HEXB: variants seen among roughly 807,000 people sequenced by gnomAD.
The protein encoded by HEXB is hexosaminidase subunit beta.
Under a neutral mutation model 71.2 loss-of-function variants are expected in HEXB, and 51 were observed. That is an observed-to-expected ratio of 0.72 (90% CI 0.57 to 0.90). HEXB has a LOEUF of 0.90. HEXB is among the 40% of genes least tolerant of loss of function. The probability of loss-of-function intolerance (pLI) is 0.00; values close to 1 mark genes in which losing one functional copy is unlikely to be tolerated. For missense variants in HEXB, 617 were observed against 677.0 expected (o/e 0.91, Z 0.98); for synonymous variants, 266 against 249.3 (o/e 1.07, Z -0.63).
chr5:74,664,955 A>G (rs1441224643), intron 1 of HEXB, among the ~76,000 whole-genome samples: 1 of 152,302 alleles, frequency 6.6e-6, no homozygotes, highest in South Asian at 2.1e-4. Flanking sequence ...GGAGAAGCGC[A>G]TTTGGGACAG....
chr5:74,676,515 C>A (rs1279953782), intron 1 of HEXB, among the ~76,000 whole-genome samples: 1 of 152,166 alleles, frequency 6.6e-6, no homozygotes, highest in Non-Finnish European at 1.5e-5. Context: ...CTCCTGTAAT[C>A]CCAGCACTTT....
At chr5:74,654,068 G>C (rs1488143519) in intron 1 of HEXB, among the ~76,000 whole-genome samples, 3 of 152,128 alleles carry the variant, frequency 2.0e-5, no homozygotes, top group Non-Finnish European at 4.4e-5. Context: ...TCCTGGTGAA[G>C]CTGCCCTCAC....
intron 1 of HEXB, among the ~76,000 whole-genome samples, chr5:74,645,170 A>AT (rs11405742): frequency 0.63 from 95,312 of 151,832 alleles, 30,229 homozygotes; most frequent in Middle Eastern, 0.78. Context: ...CCTTATGTGT[A>AT]TTTTGTGAAT....
chr5:74,688,287 C>T (rs1748917583), intron 1 of HEXB, among the ~76,000 whole-genome samples: 1 of 150,308 alleles, frequency 6.7e-6, no homozygotes, highest in East Asian at 1.9e-4. Context: ...AATGCCTTTA[C>T]AGAATTTTTA....
At chr5:74,718,164 T>C in intron 9 of HEXB, 127 bp from the exon 10 acceptor site, 1 of 713,466 alleles carries the variant, frequency 1.4e-6, no homozygotes, top group Non-Finnish European at 2.5e-6. Flanking sequence ...CTGCTTCTGC[T>C]ATAAAGCTGA....
At chr5:74,656,225 C>T (rs1748214931) in intron 1 of HEXB, among the ~76,000 whole-genome samples, 1 of 152,064 alleles carries the variant, frequency 6.6e-6, no homozygotes, top group African/African-American at 2.4e-5. Context: ...GGAGGCCTAG[C>T]CGGGTGGATC....
chr5:74,656,480 A>AAAAATAAAATAAAATAAAAT (rs369978790), intron 1 of HEXB, among the ~76,000 whole-genome samples: 92 of 145,806 alleles, frequency 6.3e-4, no homozygotes, highest in East Asian at 5.5e-3. Context: ...CTCTGTCTCA[A>AAAAATAAAATAAAATAAAAT]AAAATAAAAT....
chr5:74,640,623 G>T (rs889511356), intron 1 of HEXB: 1 of 152,480 alleles, frequency 6.6e-6, no homozygotes, highest in African/African-American at 2.4e-5. Flanking sequence ...GCTCGGGGGA[G>T]GGAGCTAGAA....
At chr5:74,674,649 C>A (rs1026281108) in intron 1 of HEXB, among the ~76,000 whole-genome samples, 5 of 151,008 alleles carry the variant, frequency 3.3e-5, no homozygotes, top group African/African-American at 9.7e-5. Flanking sequence ...GTTTTTATCT[C>A]AGATGCCATT....
rs1470552099 is a variant in HEXB, at chr5:74,689,472, T to G, written c.444T>G (p.Ser148=). ...TCCCCAACATATCTTCAGATGAGTC[T>G]TGTAAGTACCTATGCAATGTGAGTG... is the stretch of plus-strand genomic sequence containing the variant. ...DAFPNISSDE[S]YTLLVKEPVA... is the part of the protein sequence containing the mutation. Residue 148 remains serine (S), a splice_region_variant and synonymous_variant, in exon 2 of 14, where the codon TCT becomes TCG. Coordinates refer to ENST00000261416, the MANE Select transcript of HEXB (RefSeq NM_000521.4). The G allele has an allele frequency of 6.2e-7, 1 of 1,613,066 alleles. No homozygotes were observed. The highest frequency in any genetic ancestry group is 2.2e-5 in the East Asian group (1 of 44,872).
chr5:74,680,664 G>A (rs2112115157), upstream of HEXB, among the ~76,000 whole-genome samples: 1 of 152,302 alleles, frequency 6.6e-6, no homozygotes, highest in South Asian at 2.1e-4. Flanking sequence ...CCCTCCCCTT[G>A]AATGTGGGAA....
chr5:74,655,722 A>G (rs569961909), intron 1 of HEXB, among the ~76,000 whole-genome samples: 113 of 152,336 alleles, frequency 7.4e-4, no homozygotes, highest in African/African-American at 2.6e-3. Flanking sequence ...ATTAAAAGAA[A>G]TCAGTTAAAA....
chr5:74,652,512 T>C lies in HEXB; in HGVS notation c.-377+11954T>C, dbSNP rs981951064. Among the ~76,000 whole-genome samples, 3 of 152,234 alleles carry C rather than the reference T, an allele frequency of 2.0e-5. No individual in the cohort carries two copies. Among genetic ancestry groups the C allele is most frequent in the African/African-American group, 2.4e-5 (1 of 41,466 alleles). ...AAATTTTTTACATTCAAAAGAGTCC[T>C]CATAGTTGGGTATAGTTAGGACAAA... is the stretch of plus-strand genomic sequence containing the variant. On this transcript the variant is annotated intron_variant, in intron 1 of 13. Transcript: ENST00000511181. This position sits in a 1 kb window ranked among gnomAD's most constrained non-coding sequence, Gnocchi z 5.4.
chr5:74,675,829 A>G lies in HEXB; in HGVS notation c.-376-13499A>G, dbSNP rs527379644. ...GGGTGAGGTGGTGGTATAAGCAGCA[A>G]GTGGAAAGATCTCTCCAGGCCAACA... On this transcript the variant is annotated intron_variant, in intron 1 of 13. Transcript: ENST00000511181. Among the ~76,000 whole-genome samples the G allele has an allele frequency of 2.5e-4, 38 of 152,328 alleles. No individual in the cohort carries two copies. In the South Asian group the frequency reaches 6.4e-3, roughly 26 times the overall value.
At chr5:74,670,675 C>G (rs1185743671) in intron 1 of HEXB, among the ~76,000 whole-genome samples, 1 of 152,204 alleles carries the variant, frequency 6.6e-6, no homozygotes, top group Non-Finnish European at 1.5e-5. Context: ...ACTAAAAGAG[C>G]TAATTAGCAC....
intron 2 of HEXB, 66 bp downstream of exon 2, chr5:74,689,539 A>T: frequency 1.5e-6 from 2 of 1,323,452 alleles, no homozygotes; most frequent in South Asian, 2.3e-5. Context: ...AAGTGCCAAA[A>T]ACTGACTCCA....
At position 74,720,710 on chromosome 5, in the gene HEXB, T is replaced by C. The variant is rs1749813866; in HGVS notation, c.1576T>C (p.Tyr526His). 1 of 1,614,062 alleles carries C rather than the reference T, an allele frequency of 6.2e-7. No individual in the cohort carries two copies. Among genetic ancestry groups the C allele is most frequent in the Non-Finnish European group, 8.5e-7 (1 of 1,180,016 alleles). ...AGATGTCAGAGATATGGATGACGCC[T>C]ATGACAGACTGACAAGGCACCGCTG... Reference protein sequence around the residue: ...SKDVRDMDDAYDRLTRHRCRM... With the variant: ...SKDVRDMDDAHDRLTRHRCRM... Residue 526 changes from tyrosine to histidine, a missense_variant, in exon 13 of 14, where the codon TAT (tyrosine) becomes CAT (histidine). Physicochemically the swap from Tyr to His is moderately conservative, Grantham distance 83. Transcript: ENST00000261416.
At chr5:74,717,357 T>G (rs912309493) in intron 9 of HEXB, among the ~76,000 whole-genome samples, 1 of 152,126 alleles carries the variant, frequency 6.6e-6, no homozygotes, top group African/African-American at 2.4e-5. Flanking sequence ...CACAGGTGTC[T>G]GTCCATATGT....
chr5:74,674,469 T>C (rs572774949), intron 1 of HEXB, among the ~76,000 whole-genome samples: 4 of 152,032 alleles, frequency 2.6e-5, no homozygotes, highest in African/African-American at 9.6e-5. Context: ...CCAGGTATGG[T>C]GGCAGGCGCC....
Sources: allele counts gnomAD v4.1 joint callset (sites outside exome capture counted in the v4.1 genomes callset), GRCh38; gene constraint gnomAD v4.1.1; non-coding constraint Gnocchi (gnomAD v3.1); transcripts MANE v1.5; gene names NCBI Gene and HGNC (gene_info 2026-07-23, HGNC 2026-07-21).